Variants in ATRNL1 observed in about 807,000 individuals in gnomAD.
ATRNL1 encodes the protein attractin-like protein 1.
ATRNL1 carries 95 observed loss-of-function variants against 182.7 expected under a neutral mutation model. The ratio of observed to expected loss-of-function variants is 0.52; its 90% CI spans 0.44 to 0.62. ATRNL1 has a LOEUF of 0.62. Among genes scored for constraint, ATRNL1 ranks in the 20% least tolerant of loss-of-function variants. The pLI is 0.00. For missense variants in ATRNL1, 1,471 were observed against 1,679.5 expected, an observed-to-expected ratio of 0.88 and a Z score of 2.17; for synonymous variants, 576 against 568.3, an observed-to-expected ratio of 1.01 and a Z score of -0.19.
intron 21 of ATRNL1, among the ~76,000 whole-genome samples, chr10:115,453,143 A>G (rs12250075): frequency 0.043 from 6,522 of 152,246 alleles, 461 homozygotes; most frequent in African/African-American, 0.15. Context: ...GAATAATGCT[A>G]TAAGGAACAT....
intron 9 of ATRNL1, among the ~76,000 whole-genome samples, chr10:115,221,386 G>T (rs980718459): frequency 1.3e-5 from 2 of 152,146 alleles, no homozygotes; most frequent in African/African-American, 2.4e-5. Context: ...GTTTTTAGTA[G>T]ATATGGTTAC....
chr10:115,220,032 G>T (rs782505390), intron 9 of ATRNL1, among the ~76,000 whole-genome samples: 2 of 152,182 alleles, frequency 1.3e-5, no homozygotes, highest in East Asian at 3.9e-4. Flanking sequence ...AACCTGGATT[G>T]CTTACCAAGG....
chr10:115,304,019 T>C (rs1853610246), intron 17 of ATRNL1, among the ~76,000 whole-genome samples: 2 of 152,160 alleles, frequency 1.3e-5, no homozygotes, highest in South Asian at 2.1e-4. Context: ...ATCATCTCTC[T>C]TCATTTGTCA....
intron 9 of ATRNL1, among the ~76,000 whole-genome samples, chr10:115,233,203 T>C (rs1850032467): frequency 6.6e-6 from 1 of 152,146 alleles, no homozygotes; most frequent in Admixed American, 6.6e-5. Flanking sequence ...ATTAGATCTA[T>C]GTGATCTCAT....
chr10:115,914,169 C>G (rs1346672659), intron 28 of ATRNL1, among the ~76,000 whole-genome samples: 2 of 152,138 alleles, frequency 1.3e-5, no homozygotes, highest in African/African-American at 4.8e-5. Flanking sequence ...TGTTTGCTTC[C>G]CCTTCCACCA....
chr10:115,566,723 T>C (rs1854097102), intron 26 of ATRNL1, among the ~76,000 whole-genome samples: 2 of 152,242 alleles, frequency 1.3e-5, no homozygotes, highest in South Asian at 4.1e-4. Context: ...ATTGGATTTT[T>C]TTACATATAC....
chr10:115,748,221 G>C (rs1948348736), intron 27 of ATRNL1, among the ~76,000 whole-genome samples: 1 of 151,926 alleles, frequency 6.6e-6, no homozygotes, highest in African/African-American at 2.4e-5. Context: ...AGGGCAGCCA[G>C]CAATGTTGAC....
At chr10:115,387,049 A>C (rs1554952855) in intron 19 of ATRNL1, among the ~76,000 whole-genome samples, 1 of 151,920 alleles carries the variant, frequency 6.6e-6, no homozygotes, top group African/African-American at 2.4e-5. Context: ...TGGATTAAGA[A>C]AATGTGGCAC....
At chr10:115,716,369 A>T (rs1255829887) in intron 26 of ATRNL1, among the ~76,000 whole-genome samples, 1 of 152,206 alleles carries the variant, frequency 6.6e-6, no homozygotes, top group Non-Finnish European at 1.5e-5. Context: ...ATTAAAAGGA[A>T]AATGCCAGTG....
At chr10:115,944,171 A>T (rs1205647918) in intron 28 of ATRNL1, among the ~76,000 whole-genome samples, 2 of 151,372 alleles carry the variant, frequency 1.3e-5, no homozygotes, top group Non-Finnish European at 2.9e-5. Context: ...GTAAACCCTA[A>T]TGTAAATTAT....
At chr10:115,112,646 G>A (rs547656183) in intron 1 of ATRNL1, among the ~76,000 whole-genome samples, 8 of 152,262 alleles carry the variant, frequency 5.3e-5, no homozygotes, top group South Asian at 4.1e-4. Flanking sequence ...GAAAAGTTTA[G>A]GAGGACAATG....
At chr10:115,210,852 C>T (rs1166786159) in intron 8 of ATRNL1, among the ~76,000 whole-genome samples, 1 of 151,880 alleles carries the variant, frequency 6.6e-6, no homozygotes, top group Non-Finnish European at 1.5e-5. Context: ...AATTTACCAC[C>T]TCAGGTGAGA....
At chr10:115,230,815 T>C (rs1849891820) in intron 9 of ATRNL1, among the ~76,000 whole-genome samples, 1 of 148,392 alleles carries the variant, frequency 6.7e-6, no homozygotes, top group Admixed American at 6.9e-5. Context: ...CGAATATATT[T>C]TCAAGGTAGA....
chr10:115,855,420 A>G (rs937031661), intron 28 of ATRNL1, among the ~76,000 whole-genome samples: 28 of 152,212 alleles, frequency 1.8e-4, no homozygotes, highest in African/African-American at 6.3e-4. Context: ...CTTCTAACAT[A>G]TATCAGAGTT....
At chr10:115,297,787 CTCTGTTGTTT>C (rs751942465) in intron 15 of ATRNL1, among the ~76,000 whole-genome samples, 1 of 151,820 alleles carries the variant, frequency 6.6e-6, no homozygotes, top group Non-Finnish European at 1.5e-5. Context: ...GATATTAGAA[CTCTGTTGTTT>C]TCTTTCTTGC....
intron 1 of ATRNL1, among the ~76,000 whole-genome samples, chr10:115,106,332 C>T (rs1554865956): frequency 2.0e-5 from 3 of 152,174 alleles, no homozygotes. Context: ...AAGTAACTAG[C>T]TTGCTTTTGA....
At position 115,549,488 on chromosome 10, in the gene ATRNL1, T is replaced by C; in HGVS notation, c.3747T>C (p.Ala1249=). 1.2e-6 allele frequency: 2 copies of C among 1,604,116 alleles called. No homozygotes were observed. The highest frequency in any genetic ancestry group is 1.7e-6 in the Non-Finnish European group (2 of 1,174,670). The change falls in exon 26 of 29, where the codon GCT becomes GCC. Residue 1249 remains alanine, a synonymous_variant. Transcript: ENST00000355044. ...SCFLSLLLVA[A]VVWKIKQTCW... ...TCCTATCCTTATTGCTGGTGGCTGC[T>C]GTGGTATGGAAGATCAAACAAACTT...
At chr10:115,484,555 A>G (rs183507156) in intron 24 of ATRNL1, among the ~76,000 whole-genome samples, 20 of 151,808 alleles carry the variant, frequency 1.3e-4, no homozygotes, top group African/African-American at 4.8e-4. Context: ...TTTAAGGGTC[A>G]TCTTATTTTC....
intron 27 of ATRNL1, among the ~76,000 whole-genome samples, chr10:115,844,331 G>A (rs966621497): frequency 2.0e-5 from 3 of 152,052 alleles, no homozygotes; most frequent in African/African-American, 4.8e-5. Context: ...GAGAGGGCCA[G>A]TGGAAGAACA....
Sources: gnomAD v4.1 joint callset for allele counts (sites outside exome capture counted in the v4.1 genomes callset) on GRCh38, gnomAD v4.1.1 for gene constraint, MANE v1.5 for transcripts, NCBI Gene and HGNC (gene_info 2026-07-23, HGNC 2026-07-21) for gene names.